Variants in IQSEC1 observed in about 807,000 individuals in gnomAD.
IQSEC1 encodes the protein IQ motif and Sec7 domain ArfGEF 1.
In IQSEC1, 31 loss-of-function variants were observed where a neutral mutation model predicts 91.0. That is an observed-to-expected ratio of 0.34 (90% CI 0.26 to 0.46). The LOEUF is 0.46. Among genes scored for constraint, IQSEC1 ranks in the 20% least tolerant of loss-of-function variants. IQSEC1 has a pLI of 1.00. For missense variants in IQSEC1, 1,388 were observed against 1,575.6 expected (o/e 0.88, Z 2.02); for synonymous variants, 699 against 662.6 (o/e 1.05, Z -0.84).
intron 1 of IQSEC1, among the ~76,000 whole-genome samples, chr3:13,180,788 C>A (rs1182239913): frequency 2.0e-5 from 3 of 147,262 alleles, no homozygotes; most frequent in African/African-American, 8.1e-5. Flanking sequence ...TCGCAAAGGT[C>A]TGAAGCTTCA....
In IQSEC1 at chr3:12,935,768, G is replaced by A. The variant is rs756681243; in HGVS notation, c.1248C>T (p.Leu416=). The change falls in exon 3 of 14, where the codon CTC becomes CTT. Residue 416 remains leucine, a synonymous_variant. Coordinates refer to ENST00000613206, the MANE Select transcript of IQSEC1 (RefSeq NM_001134382.3). The surrounding 1 kb of genome is among the most constrained non-coding windows in gnomAD (Gnocchi z 8.0). ...HGPHSGAPKS[L]PREEPELRPR... is the part of the protein sequence containing the mutation. ...GCCGCAACTCAGGCTCCTCCCGGGG[G>A]AGGCTCTTGGGGGCGCCGCTGTGGG... The A allele has an allele frequency of 6.3e-5, 101 of 1,608,118 alleles. No homozygotes were observed. The highest frequency in any genetic ancestry group is 8.1e-5 in the Non-Finnish European group (95 of 1,179,726).
intron 1 of IQSEC1, among the ~76,000 whole-genome samples, chr3:13,164,525 A>G (rs959359646): frequency 6.6e-6 from 1 of 152,178 alleles, no homozygotes; most frequent in Non-Finnish European, 1.5e-5. Context: ...ATGAATGAAT[A>G]AGTGAGAGCG....
At chr3:13,178,571 C>T (rs1445487875) in intron 1 of IQSEC1, among the ~76,000 whole-genome samples, 1 of 152,230 alleles carries the variant, frequency 6.6e-6, no homozygotes, top group Non-Finnish European at 1.5e-5. Flanking sequence ...TTCCCCTTGT[C>T]CCCTCACATG....
Position 13,103,001 on chromosome 3 carries a change from A to G in IQSEC1, c.303-55479T>C, listed in dbSNP as rs1706090120. 6.6e-6 allele frequency among the ~76,000 whole-genome samples: 1 copy of G among 152,236 alleles called. No homozygotes were observed. The highest frequency in any genetic ancestry group is 1.9e-4 in the East Asian group (1 of 5,160). On this transcript the variant is annotated intron_variant, in intron 2 of 15. Transcript: ENST00000648114. The surrounding 1 kb of genome is among the most constrained non-coding windows in gnomAD (Gnocchi z 4.1). ...TCAGAGGTGGCAGAGAGGGGCTCAG[A>G]TCAGGTGCTTGGTGCCCCCCTACCT... is the stretch of plus-strand genomic sequence containing the variant.
chr3:13,195,154 C>G (rs2077963154), intron 1 of IQSEC1, among the ~76,000 whole-genome samples: 1 of 152,140 alleles, frequency 6.6e-6, no homozygotes, highest in Admixed American at 6.5e-5. Flanking sequence ...CAGTAAAACA[C>G]CAAACAATCC....
rs1004715371 is a variant in IQSEC1 at position 13,259,986 on chromosome 3, G to A, written c.272+22725C>T. Among the ~76,000 whole-genome samples, 56 of 152,388 alleles carry A rather than the reference G, an allele frequency of 3.7e-4. No individual in the cohort carries two copies. Among genetic ancestry groups the A allele is most frequent in the African/African-American group, 1.3e-3 (54 of 41,594 alleles). On this transcript the variant is annotated intron_variant, in intron 1 of 15. Transcript: ENST00000648114. The surrounding 1 kb of genome is among the most constrained non-coding windows in gnomAD (Gnocchi z 4.6). Reference sequence around the variant, plus strand: ...CAGTCGTGCTGGCAGGCAGACTTCTGCAAGGAATCACATTGTTCTAGCAAA... The same window carrying A: ...CAGTCGTGCTGGCAGGCAGACTTCTACAAGGAATCACATTGTTCTAGCAAA...
chr3:13,267,125 CT>C (rs1439298776), intron 1 of IQSEC1, among the ~76,000 whole-genome samples: 1 of 152,152 alleles, frequency 6.6e-6, no homozygotes, highest in Admixed American at 6.5e-5. Flanking sequence ...GGGCAGAGCC[CT>C]CCTGATTGGG....
intron 3 of IQSEC1, among the ~76,000 whole-genome samples, chr3:12,925,720 C>G (rs1436296887): frequency 1.4e-4 from 21 of 152,186 alleles, no homozygotes; most frequent in Admixed American, 1.4e-3. Flanking sequence ...AGAACCAGGC[C>G]TGGGCAGGGA....
At chr3:13,112,804 G>A (rs140372865) in intron 2 of IQSEC1, among the ~76,000 whole-genome samples, 296 of 152,338 alleles carry the variant, frequency 1.9e-3, no homozygotes, top group African/African-American at 6.6e-3. Flanking sequence ...GGTGACACAC[G>A]GAGGAGGAAG....
At chr3:12,988,703 T>C (rs114067451) in intron 1 of IQSEC1, among the ~76,000 whole-genome samples, 1,755 of 152,322 alleles carry the variant, frequency 0.012, 30 homozygotes, top group African/African-American at 0.04. Flanking sequence ...CACGGGGGCT[T>C]TGGGCAATGC....
At chr3:13,106,028 C>T (rs1014048866) in intron 2 of IQSEC1, among the ~76,000 whole-genome samples, 31 of 152,156 alleles carry the variant, frequency 2.0e-4, no homozygotes, top group African/African-American at 2.4e-4. Flanking sequence ...GTTAGAGGAG[C>T]GCTATGATGG....
At chr3:13,152,112 T>C (rs893430807) in intron 2 of IQSEC1, among the ~76,000 whole-genome samples, 5 of 152,200 alleles carry the variant, frequency 3.3e-5, no homozygotes, top group South Asian at 4.1e-4. Flanking sequence ...ATCAGAACAA[T>C]TGCAATAGTC....
Position 13,149,451 on chromosome 3 carries a change from C to T in IQSEC1, c.302+14653G>A, listed in dbSNP as rs550329199. On this transcript the variant is annotated intron_variant, in intron 2 of 15. Transcript: ENST00000648114. ...GGTGGGGGGGCGGACAGAGGACAGGCAGGGACAGGACCAAATTCCCCCGAA... is the reference window on the plus strand; with the variant it reads ...GGTGGGGGGGCGGACAGAGGACAGGTAGGGACAGGACCAAATTCCCCCGAA... Among the ~76,000 whole-genome samples the T allele has an allele frequency of 5.3e-5, 8 of 152,150 alleles. No homozygotes were observed. In the South Asian group the frequency reaches 1.7e-3, roughly 32 times the overall value.
At chr3:13,132,324 C>T (rs1357677900) in intron 2 of IQSEC1, among the ~76,000 whole-genome samples, 1 of 152,200 alleles carries the variant, frequency 6.6e-6, no homozygotes, top group Non-Finnish European at 1.5e-5. Context: ...TGACAATAAG[C>T]ACTTTTCCCT....
At chr3:12,901,626 G>T in intron 13 of IQSEC1, 104 bp from the exon 14 acceptor site, 2 of 983,884 alleles carry the variant, frequency 2.0e-6, no homozygotes, top group Non-Finnish European at 3.0e-6. Flanking sequence ...TGACTGCTAA[G>T]CTTTAGTTCA....
upstream of IQSEC1, among the ~76,000 whole-genome samples, chr3:13,075,986 A>C (rs1318743556): frequency 1.3e-5 from 2 of 152,226 alleles, no homozygotes; most frequent in Admixed American, 6.5e-5. Context: ...ATCTCAGGGC[A>C]GATTTGTCAG....
intron 1 of IQSEC1, among the ~76,000 whole-genome samples, chr3:13,024,616 C>A (rs1042160650): frequency 2.6e-5 from 4 of 151,642 alleles, no homozygotes; most frequent in African/African-American, 9.7e-5. Context: ...ATCCACCCAT[C>A]TGTCCATCAT....
At position 13,214,226 on chromosome 3, in the gene IQSEC1, A is replaced by G. The variant is rs1436919853; in HGVS notation, c.273-50093T>C. 6.6e-6 allele frequency among the ~76,000 whole-genome samples: 1 copy of G among 152,098 alleles called. No homozygotes were observed. Among genetic ancestry groups the G allele is most frequent in the African/African-American group, 2.4e-5 (1 of 41,430 alleles). On this transcript the variant is annotated intron_variant, in intron 1 of 15. Coordinates refer to the IQSEC1 transcript ENST00000648114. The surrounding 1 kb of genome is among the most constrained non-coding windows in gnomAD (Gnocchi z 4.5). ...TTCTAGTCGCACTGCAGGGGCTTCT[A>G]AGCCTTTGAGAGCCAACCTGCCCTG...
At chr3:13,095,622 G>C (rs536190419) in intron 2 of IQSEC1, among the ~76,000 whole-genome samples, 3 of 152,162 alleles carry the variant, frequency 2.0e-5, no homozygotes, top group African/African-American at 7.2e-5. Flanking sequence ...ACACTGGGTG[G>C]CTCGGTGGGG....
Sources: allele counts gnomAD v4.1 joint callset (sites outside exome capture counted in the v4.1 genomes callset), GRCh38; gene constraint gnomAD v4.1.1; non-coding constraint Gnocchi (gnomAD v3.1); transcripts MANE v1.5; gene names NCBI Gene and HGNC (gene_info 2026-07-23, HGNC 2026-07-21).